Variants in PPP6R2 observed in about 807,000 individuals in gnomAD.
PPP6R2 encodes protein phosphatase 6 regulatory subunit 2.
Under a neutral mutation model 100.2 loss-of-function variants are expected in PPP6R2, and 62 were observed. The ratio of observed to expected loss-of-function variants is 0.62; its 90% CI spans 0.50 to 0.76. The LOEUF (loss-of-function observed/expected upper bound fraction) is 0.76. Among genes scored for constraint, PPP6R2 ranks in the 30% least tolerant of loss-of-function variants. The pLI, the probability that PPP6R2 is intolerant of heterozygous loss-of-function variation, is 0.00. For missense variants in PPP6R2, 1,142 were observed against 1,276.3 expected (o/e 0.89, Z 1.60); for synonymous variants, 525 against 514.7 (o/e 1.02, Z -0.27).
At chr22:50,409,533 T>C (rs953428287) in intron 4 of PPP6R2, among the ~76,000 whole-genome samples, 1 of 152,116 alleles carries the variant, frequency 6.6e-6, no homozygotes, top group African/African-American at 2.4e-5. Context: ...GTTCCAGCGA[T>C]TCTTCTGCTT....
At chr22:50,338,487 G>C (rs1019258641), upstream of PPP6R2, among the ~76,000 whole-genome samples, 1 of 134,136 alleles carries the variant, frequency 7.5e-6, no homozygotes, top group African/African-American at 2.9e-5. Flanking sequence ...GTGTTATGTA[G>C]TGTATGTGGT....
chr22:50,390,676 A>G (rs1428552255), intron 2 of PPP6R2, among the ~76,000 whole-genome samples: 1 of 152,030 alleles, frequency 6.6e-6, no homozygotes, highest in African/African-American at 2.4e-5. Flanking sequence ...AAGAGAAGAC[A>G]TAACAATCCT....
At chr22:50,365,379 A>G (rs1225301212) in intron 1 of PPP6R2, among the ~76,000 whole-genome samples, 1 of 151,884 alleles carries the variant, frequency 6.6e-6, no homozygotes, top group Non-Finnish European at 1.5e-5. Flanking sequence ...CATGAGATAC[A>G]CTTATAAGAA....
In PPP6R2 at chr22:50,440,913, C is replaced by T; in HGVS notation, c.2466C>T (p.His822=). 1.2e-6 allele frequency: 2 copies of T among 1,613,776 alleles called. No homozygotes were observed. The highest frequency in any genetic ancestry group is 1.7e-6 in the Non-Finnish European group (2 of 1,180,010). The change falls in exon 22 of 24, where the codon CAC becomes CAT. Residue 822 remains histidine, a synonymous_variant. Coordinates refer to ENST00000612753, the MANE Select transcript of PPP6R2 (RefSeq NM_001242898.2). Reference sequence around the variant, plus strand: ...ACAGTAGCTCCTCTGGGGGCTCCCACAGCGAGGATGGCGACCAGAAGGCAG... The same window carrying T: ...ACAGTAGCTCCTCTGGGGGCTCCCATAGCGAGGATGGCGACCAGAAGGCAG... ...ASDSSSSGGS[H]SEDGDQKAAS... is the part of the protein sequence containing the mutation.
chr22:50,405,535 G>GAGGTGAGAGGCCTGGAGAT (rs2058739488), intron 3 of PPP6R2, among the ~76,000 whole-genome samples: 1 of 142,612 alleles, frequency 7.0e-6, no homozygotes, highest in African/African-American at 2.7e-5. Flanking sequence ...GGCCTGGAGA[G>GAGGTGAGAGGCCTGGAGAT]AGGTAAGAGG....
intron 2 of PPP6R2, among the ~76,000 whole-genome samples, chr22:50,373,820 G>C (rs960482049): frequency 4.6e-5 from 7 of 151,524 alleles, no homozygotes; most frequent in African/African-American, 9.7e-5. Context: ...TGCAACCTCC[G>C]CCTCCTGGGT....
upstream of PPP6R2, among the ~76,000 whole-genome samples, chr22:50,339,777 G>GGT (rs1048059807): frequency 8.1e-6 from 1 of 123,834 alleles, no homozygotes; most frequent in Non-Finnish European, 1.6e-5. Context: ...TGTGGTATGT[G>GGT]GTGTGTGTGT....
At chr22:50,338,127 G>A in the PPP6R2 span, among the ~76,000 whole-genome samples, 17 of 133,158 alleles carry the variant, frequency 1.3e-4, no homozygotes, top group African/African-American at 4.5e-4. Context: ...GTGCATGTGC[G>A]TGCATGTGTA....
chr22:50,391,265 C>T (rs181565885), intron 2 of PPP6R2, among the ~76,000 whole-genome samples: 26 of 151,612 alleles, frequency 1.7e-4, no homozygotes, highest in African/African-American at 6.3e-4. Context: ...AACCCCATCT[C>T]TACTAAAAAT....
chr22:50,440,011 A>C lies in PPP6R2; in HGVS notation c.2336A>C (p.His779Pro). 1 of 1,613,532 alleles carries C rather than the reference A, an allele frequency of 6.2e-7. No homozygotes were observed. The highest frequency in any genetic ancestry group is 8.5e-7 in the Non-Finnish European group (1 of 1,179,948). Residue 779 changes from histidine (H) to proline (P), a missense_variant, in exon 21 of 24, where the codon CAT becomes CCT. By Grantham distance (77) the His-to-Pro change is moderately conservative. Around this residue, in one of 2 missense-constraint regions of PPP6R2, gnomAD observed 550 missense variants for 517.4 expected, o/e 1.06. Transcript: ENST00000612753. ...CSSPVDTECS[H>P]AEGSRSQGPE... Reference sequence around the variant, plus strand: ...TCTCCGGTGGACACAGAATGCAGCCATGCTGAGGGCAGCCGGAGCCAAGGC... The same window carrying C: ...TCTCCGGTGGACACAGAATGCAGCCCTGCTGAGGGCAGCCGGAGCCAAGGC...
chr22:50,424,325 C>CCGCCTGTGG (rs1569471958), intron 10 of PPP6R2, among the ~76,000 whole-genome samples: 1 of 138,510 alleles, frequency 7.2e-6, no homozygotes, highest in Non-Finnish European at 1.6e-5. Flanking sequence ...TCAGTTCTGT[C>CCGCCTGTGG]AGCGTGTGGA....
chr22:50,435,191 A>G, intron 13 of PPP6R2, 110 bp downstream of exon 13: 1 of 839,398 alleles, frequency 1.2e-6, no homozygotes, highest in South Asian at 1.9e-5. Flanking sequence ...CTGCACTGAC[A>G]GTGAGAGACC....
intron 2 of PPP6R2, among the ~76,000 whole-genome samples, chr22:50,383,458 G>A (rs1396722514): frequency 4.6e-5 from 7 of 152,182 alleles, no homozygotes; most frequent in Non-Finnish European, 8.8e-5. Context: ...CTAAACCAGA[G>A]AATAGCACCT....
chr22:50,342,821 C>T (rs1601865784), upstream of PPP6R2, among the ~76,000 whole-genome samples: 1 of 152,130 alleles, frequency 6.6e-6, no homozygotes, highest in South Asian at 2.1e-4. Flanking sequence ...CTCAGGCACT[C>T]CGGGTCCAGG....
chr22:50,340,511 GTGTGGTGTGTGT>G (rs2042360862), upstream of PPP6R2, among the ~76,000 whole-genome samples: 2 of 94,266 alleles, frequency 2.1e-5, no homozygotes, highest in African/African-American at 1.7e-4. Context: ...TGTGGTGTGT[GTGTGGTGTGTGT>G]GGGGGGTATG....
chr22:50,396,524 A>T (rs553825040), intron 3 of PPP6R2, among the ~76,000 whole-genome samples: 1 of 152,138 alleles, frequency 6.6e-6, no homozygotes, highest in Non-Finnish European at 1.5e-5. Context: ...CAAAGGAAGA[A>T]TATTTTGTCA....
chr22:50,437,128 C>T lies in PPP6R2; in HGVS notation c.1683+60C>T, dbSNP rs566228453. The T allele has an allele frequency of 1.6e-5, 23 of 1,449,270 alleles. No homozygotes were observed. In the East Asian group the frequency reaches 3.5e-4, roughly 22 times the overall value. 89.8% of individuals were successfully genotyped at this position (1,449,270 alleles called of 1,614,324 possible). A position where few individuals can be genotyped will look rare whatever the true frequency, so the allele number is the denominator to read the frequency against. On this transcript the variant is annotated intron_variant, in intron 15 of 23. Transcript: ENST00000612753. ...CCCTTCCCGGCACCTGTGTGCGCTG[C>T]GCTTGGTCCTCCAGACGAGTCTGAT...
At chr22:50,437,483 C>CGG in intron 15 of PPP6R2, 23 bp from the exon 16 acceptor site, 1 of 734,980 alleles carries the variant, frequency 1.4e-6, no homozygotes. Flanking sequence ...CTGTCCGTCC[C>CGG]TCCCTCCCTC....
intron 1 of PPP6R2, among the ~76,000 whole-genome samples, chr22:50,365,634 A>C (rs931268139): frequency 6.6e-6 from 1 of 150,934 alleles, no homozygotes; most frequent in Non-Finnish European, 1.5e-5. Context: ...AGCTGAGATC[A>C]CACCACTGCA....
Sources: allele counts gnomAD v4.1 joint callset (sites outside exome capture counted in the v4.1 genomes callset), GRCh38; gene constraint gnomAD v4.1.1; regional missense constraint gnomAD v4.1.1; transcripts MANE v1.5; gene names NCBI Gene and HGNC (gene_info 2026-07-23, HGNC 2026-07-21).